GSDME: variants seen among roughly 807,000 people sequenced by gnomAD.
The protein encoded by GSDME is gasdermin-E.
Under a neutral mutation model 47.5 loss-of-function variants are expected in GSDME, and 44 were observed. The ratio of observed to expected loss-of-function variants is 0.93; its 90% CI spans 0.73 to 1.19. GSDME has a LOEUF of 1.19. Among genes scored for constraint, GSDME ranks in the 50% most tolerant of loss-of-function variants. The pLI is 0.00. For synonymous variants in GSDME, 258 were observed against 252.8 expected (o/e 1.02, Z -0.20); for missense variants, 663 against 604.2 (o/e 1.10, Z -1.02).
chr7:24,757,783 G>C (rs888051484), upstream of GSDME: 4 of 152,404 alleles, frequency 2.6e-5, no homozygotes, highest in African/African-American at 9.6e-5. This position sits in a 1 kb window ranked among gnomAD's most constrained non-coding sequence, Gnocchi z 5.9. Flanking sequence ...TCGCTGCGCG[G>C]GACCGTGGGG....
At chr7:24,710,831 A>G (rs1436537209) in intron 5 of GSDME, among the ~76,000 whole-genome samples, 1 of 152,216 alleles carries the variant, frequency 6.6e-6, no homozygotes, top group African/African-American at 2.4e-5. Context: ...TAAGAAATCA[A>G]TGTTTCTATA....
rs944739916 is a variant in GSDME at position 24,726,115 on chromosome 7, G to A, written c.405-6897C>T. On this transcript the variant is annotated intron_variant, in intron 3 of 9. Transcript: ENST00000645220. This position sits in a 1 kb window ranked among gnomAD's most constrained non-coding sequence, Gnocchi z 5.6. ...ACCAGAGCAGCCCAGCAGGAAGGGA[G>A]GCTCCAGCTCTTCCAGCATCCATCA... Among the ~76,000 whole-genome samples the A allele has an allele frequency of 2.6e-5, 4 of 152,160 alleles. No homozygotes were observed. The highest frequency in any genetic ancestry group is 5.9e-5 in the Non-Finnish European group (4 of 68,026).
At chr7:24,788,103 T>C in the GSDME span, among the ~76,000 whole-genome samples, 4 of 152,244 alleles carry the variant, frequency 2.6e-5, no homozygotes, top group African/African-American at 7.2e-5. This position sits in a 1 kb window ranked among gnomAD's most constrained non-coding sequence, Gnocchi z 4.6. Flanking sequence ...AAGGCTCTTA[T>C]GCGTATCTAC....
chr7:24,699,169 G>C lies in GSDME; in HGVS notation c.1348C>G (p.Arg450Gly), dbSNP rs151328414. 12 of 1,614,122 alleles carry C rather than the reference G, an allele frequency of 7.4e-6. No individual in the cohort carries two copies. The East Asian group carries it at 2.7e-4, about 36-fold the overall frequency. The change falls in exon 10 of 10, where the codon CGC (arginine) becomes GGC (glycine). Residue 450 changes from arginine (R) to glycine (G), a missense_variant. Coordinates refer to ENST00000645220, the MANE Select transcript of GSDME (RefSeq NM_001127453.2). ...CTAATGTCAGCTGAGGCAAACAAGCGCTGCACAATCCCAAACCTTTCTGTA... is the reference window on the plus strand; with the variant it reads ...CTAATGTCAGCTGAGGCAAACAAGCCCTGCACAATCCCAAACCTTTCTGTA... Reference protein sequence around the residue: ...KDTERFGIVQRLFASADISLE... With the variant: ...KDTERFGIVQGLFASADISLE...
At position 24,757,035 on chromosome 7, in the gene GSDME, G is replaced by A. The variant is rs775179190; in HGVS notation, c.-20+361C>T. 6.6e-6 allele frequency among the ~76,000 whole-genome samples: 1 copy of A among 151,148 alleles called. No homozygotes were observed. Among genetic ancestry groups the A allele is most frequent in the East Asian group, 2.0e-4 (1 of 5,086 alleles). On this transcript the variant is annotated intron_variant, in intron 1 of 9. Coordinates refer to ENST00000645220, the MANE Select transcript of GSDME (RefSeq NM_001127453.2). The surrounding 1 kb of genome is among the most constrained non-coding windows in gnomAD (Gnocchi z 5.9). Reference sequence around the variant, plus strand: ...AAGGATGAACGAATGGGGAGGGGGGGTTTGGGGGGTTGGGAGAACGAAAAT... The same window carrying A: ...AAGGATGAACGAATGGGGAGGGGGGATTTGGGGGGTTGGGAGAACGAAAAT...
Position 24,735,289 on chromosome 7 carries a change from TAAAG to T in GSDME, c.404+9269_404+9272del, listed in dbSNP as rs1374121279. 6.6e-6 allele frequency among the ~76,000 whole-genome samples: 1 copy of T among 152,194 alleles called. No homozygotes were observed. The highest frequency in any genetic ancestry group is 1.5e-5 in the Non-Finnish European group (1 of 68,034). ...ACCAGATCAGTCCTACAAGAAATGC[TAAAG>T]AGAGTATTTTAATCAGAAAGGACAT... On this transcript the variant is annotated intron_variant, in intron 3 of 9. Coordinates refer to ENST00000645220, the MANE Select transcript of GSDME (RefSeq NM_001127453.2). This position sits in a 1 kb window ranked among gnomAD's most constrained non-coding sequence, Gnocchi z 4.4.
chr7:24,789,982 A>G, the GSDME span, among the ~76,000 whole-genome samples: 1 of 152,204 alleles, frequency 6.6e-6, no homozygotes, highest in African/African-American at 2.4e-5. Context: ...AGAGTTTTAA[A>G]TCCTCCTAAC....
At chr7:24,751,533 C>G (rs573304873) in intron 1 of GSDME, among the ~76,000 whole-genome samples, 10 of 152,252 alleles carry the variant, frequency 6.6e-5, no homozygotes, top group Non-Finnish European at 1.5e-4. Context: ...AGTATCTTTT[C>G]TTAGATTATT....
At position 24,742,185 on chromosome 7, in the gene GSDME, A is replaced by G. The variant is rs2128062147; in HGVS notation, c.404+2377T>C. ...GATTCACCCACCAAGTATCCTCCCT[A>G]GGGACGCGGGTTCATGCCTCGGCCT... On this transcript the variant is annotated intron_variant, in intron 3 of 9. Coordinates refer to ENST00000645220, the MANE Select transcript of GSDME (RefSeq NM_001127453.2). The surrounding 1 kb of genome is among the most constrained non-coding windows in gnomAD (Gnocchi z 4.4). Among the ~76,000 whole-genome samples the G allele has an allele frequency of 6.6e-6, 1 of 152,296 alleles. No homozygotes were observed. Among genetic ancestry groups the G allele is most frequent in the African/African-American group, 2.4e-5 (1 of 41,564 alleles).
At chr7:24,750,881 A>C (rs1790836984) in intron 1 of GSDME, among the ~76,000 whole-genome samples, 1 of 152,258 alleles carries the variant, frequency 6.6e-6, no homozygotes, top group Admixed American at 6.5e-5. Context: ...AGCAGTATAG[A>C]CTATTTAATA....
At chr7:24,755,320 T>C (rs995594993) in intron 1 of GSDME, among the ~76,000 whole-genome samples, 1 of 152,192 alleles carries the variant, frequency 6.6e-6, no homozygotes, top group Non-Finnish European at 1.5e-5. Context: ...TTCCAATCAT[T>C]AGCAGTCCTA....
chr7:24,761,223 G>T (rs1361558171), upstream of GSDME, among the ~76,000 whole-genome samples: 3 of 152,184 alleles, frequency 2.0e-5, no homozygotes, highest in Non-Finnish European at 4.4e-5. This position sits in a 1 kb window ranked among gnomAD's most constrained non-coding sequence, Gnocchi z 4.4. Flanking sequence ...TGAATGGCCT[G>T]GTTTGGAGGG....
At chr7:24,762,699 A>G (rs1041084074), upstream of GSDME, among the ~76,000 whole-genome samples, 5 of 152,174 alleles carry the variant, frequency 3.3e-5, no homozygotes, top group African/African-American at 4.8e-5. Flanking sequence ...CAATAAGGAT[A>G]GAGGATGAGA....
At chr7:24,748,164 A>ATT (rs1238017137) in intron 2 of GSDME, among the ~76,000 whole-genome samples, 220 of 88,608 alleles carry the variant, frequency 2.5e-3, no homozygotes, top group African/African-American at 0.01. Flanking sequence ...ATATATATAT[A>ATT]TATATTTTTT....
At chr7:24,786,175 G>A in the GSDME span, among the ~76,000 whole-genome samples, 1 of 152,294 alleles carries the variant, frequency 6.6e-6, no homozygotes, top group East Asian at 1.9e-4. The surrounding 1 kb of genome is among the most constrained non-coding windows in gnomAD (Gnocchi z 5.5). Context: ...GCAGAGGTAA[G>A]TGGCCTACCC....
rs1260703915 is a variant in GSDME, at chr7:24,716,160, A to C, written c.697+1094T>G. Among the ~76,000 whole-genome samples, 1 of 152,200 alleles carries C rather than the reference A, an allele frequency of 6.6e-6. No individual in the cohort carries two copies. The highest frequency in any genetic ancestry group is 1.5e-5 in the Non-Finnish European group (1 of 68,046). ...GCAGCAGGCATGTGCGTGGTCTATC[A>C]CGGCCCTTTTAAAAACTGCTGTTAC... On this transcript the variant is annotated intron_variant, in intron 5 of 9. Transcript: ENST00000645220. This position sits in a 1 kb window ranked among gnomAD's most constrained non-coding sequence, Gnocchi z 4.5.
At chr7:24,772,896 T>C in the GSDME span, among the ~76,000 whole-genome samples, 1 of 152,234 alleles carries the variant, frequency 6.6e-6, no homozygotes, top group African/African-American at 2.4e-5. This position sits in a 1 kb window ranked among gnomAD's most constrained non-coding sequence, Gnocchi z 4.5. Flanking sequence ...GACTTGATCT[T>C]AATAGATAAA....
chr7:24,785,971 A>T, the GSDME span, among the ~76,000 whole-genome samples: 1 of 152,252 alleles, frequency 6.6e-6, no homozygotes, highest in Admixed American at 6.5e-5. Context: ...TAAAAAGAAA[A>T]GAATAATTGA....
At chr7:24,792,083 C>T in the GSDME span, among the ~76,000 whole-genome samples, 1 of 152,196 alleles carries the variant, frequency 6.6e-6, no homozygotes, top group Non-Finnish European at 1.5e-5. Context: ...ACAATCTGGG[C>T]CTCTGGCCTG....
Sources: allele counts gnomAD v4.1 joint callset (sites outside exome capture counted in the v4.1 genomes callset), GRCh38; gene constraint gnomAD v4.1.1; non-coding constraint Gnocchi (gnomAD v3.1); transcripts MANE v1.5; gene names NCBI Gene and HGNC (gene_info 2026-07-23, HGNC 2026-07-21).